WAPL: variants seen among roughly 807,000 people sequenced by gnomAD.
The protein encoded by WAPL is WAPL cohesin release factor.
Under a neutral mutation model 121.0 loss-of-function variants are expected in WAPL, and 5 were observed. The ratio of observed to expected loss-of-function variants is 0.04; its 90% CI spans 0.02 to 0.09. WAPL has a LOEUF of 0.09. Ranked by LOEUF, WAPL falls within the 10% of genes least tolerant of loss-of-function variation. The probability of loss-of-function intolerance (pLI) is 1.00; values close to 1 mark genes in which losing one functional copy is unlikely to be tolerated. For missense variants in WAPL, 999 were observed against 1,410.8 expected, an observed-to-expected ratio of 0.71 and a Z score of 4.68; for synonymous variants, 480 against 481.5, an observed-to-expected ratio of 1.00 and a Z score of 0.04.
intron 12 of WAPL, among the ~76,000 whole-genome samples, chr10:86,455,705 G>GAAAAAAAAAAAAAAAAAGAAAA (rs1333302675): frequency 1.8e-5 from 2 of 109,274 alleles, no homozygotes; most frequent in Non-Finnish European, 4.1e-5. Flanking sequence ...AAGAAAGAAA[G>GAAAAAAAAAAAAAAAAAGAAAA]AAAAAAAAAG....
intron 2 of WAPL, among the ~76,000 whole-genome samples, chr10:86,513,218 G>A (rs535797890): frequency 1.2e-4 from 19 of 152,074 alleles, no homozygotes; most frequent in East Asian, 3.9e-4. Flanking sequence ...GGCTGGTCTC[G>A]AACTCCTGAC....
intron 1 of WAPL, among the ~76,000 whole-genome samples, chr10:86,518,489 C>T (rs190131933): frequency 8.8e-4 from 134 of 152,326 alleles, no homozygotes; most frequent in Middle Eastern, 3.4e-3. Flanking sequence ...AGGCAGCTCA[C>T]TTGAGGCCAG....
chr10:86,484,933 A>T (rs1478363059), intron 4 of WAPL, among the ~76,000 whole-genome samples: 1 of 152,224 alleles, frequency 6.6e-6, no homozygotes, highest in Non-Finnish European at 1.5e-5. Flanking sequence ...GTCATTAAGT[A>T]ATGCGTGACT....
At chr10:86,502,123 T>C (rs191163414) in intron 2 of WAPL, among the ~76,000 whole-genome samples, 1 of 152,356 alleles carries the variant, frequency 6.6e-6, no homozygotes, top group Non-Finnish European at 1.5e-5. Flanking sequence ...GAAATAACTT[T>C]CCACGAACAC....
intron 1 of WAPL, among the ~76,000 whole-genome samples, chr10:86,519,765 A>T (rs1172770355): frequency 6.6e-6 from 1 of 152,232 alleles, no homozygotes; most frequent in East Asian, 1.9e-4. Context: ...CAGGTCTGTA[A>T]GTGTACGTAC....
chr10:86,497,216 A>G lies in WAPL; in HGVS notation c.1629T>C (p.Phe543=), dbSNP rs1442587956. The change falls in exon 4 of 19, where the codon TTT becomes TTC. Residue 543 remains phenylalanine, a synonymous_variant. Transcript: ENST00000298767. ...DKSKENTRKI[F]SGPKRSPTKA... ...CTTTACTTACCCGTTTGGGGCCACT[A>G]AAAATCTTTCTGGTATTTTCCTTTG... is the stretch of plus-strand genomic sequence containing the variant. 1.9e-6 allele frequency: 3 copies of G among 1,612,184 alleles called. No individual in the cohort carries two copies. The highest frequency in any genetic ancestry group is 1.7e-5 in the Admixed American group (1 of 59,754).
intron 15 of WAPL, among the ~76,000 whole-genome samples, chr10:86,449,987 C>T (rs969640100): frequency 6.6e-6 from 1 of 152,076 alleles, no homozygotes; most frequent in Admixed American, 6.6e-5. Context: ...TACACACAAA[C>T]ATAAATGAAT....
At chr10:86,483,561 A>G (rs951957442) in intron 4 of WAPL, among the ~76,000 whole-genome samples, 1 of 152,092 alleles carries the variant, frequency 6.6e-6, no homozygotes, top group Non-Finnish European at 1.5e-5. Flanking sequence ...TCTACTTGTA[A>G]AACAAAAAAA....
intron 4 of WAPL, among the ~76,000 whole-genome samples, chr10:86,491,289 G>A (rs968889953): frequency 1.4e-4 from 21 of 151,068 alleles, no homozygotes; most frequent in African/African-American, 3.6e-4. Context: ...ACAGGCGCCC[G>A]CCACCACACA....
intron 4 of WAPL, among the ~76,000 whole-genome samples, chr10:86,484,524 A>T (rs1011389168): frequency 6.6e-6 from 1 of 152,184 alleles, no homozygotes; most frequent in Non-Finnish European, 1.5e-5. Context: ...AAAACAAGCC[A>T]TTACAGTAAG....
intron 4 of WAPL, among the ~76,000 whole-genome samples, chr10:86,496,055 A>C (rs1403250467): frequency 6.6e-6 from 1 of 152,258 alleles, no homozygotes; most frequent in Non-Finnish European, 1.5e-5. Context: ...CGGAGGTTGC[A>C]GTGAGCCAAG....
intron 12 of WAPL, 45 bp downstream of exon 12, chr10:86,458,944 A>T: frequency 6.7e-7 from 1 of 1,487,098 alleles, no homozygotes; most frequent in African/African-American, 1.4e-5. Flanking sequence ...AAATGTTTAA[A>T]ATAAGTAACA....
intron 2 of WAPL, among the ~76,000 whole-genome samples, chr10:86,502,395 A>G (rs1176714923): frequency 6.6e-6 from 1 of 152,228 alleles, no homozygotes; most frequent in Non-Finnish European, 1.5e-5. Context: ...TCTATTCAAA[A>G]GCCAAAACAT....
intron 15 of WAPL, among the ~76,000 whole-genome samples, chr10:86,448,135 TAAAA>T (rs1167285827): frequency 6.6e-6 from 1 of 152,012 alleles, no homozygotes; most frequent in Non-Finnish European, 1.5e-5. Flanking sequence ...AAATAAAACT[TAAAA>T]AAACAGAAAA....
chr10:86,497,906 C>A (rs75727540), intron 3 of WAPL, among the ~76,000 whole-genome samples: 2 of 152,280 alleles, frequency 1.3e-5, no homozygotes, highest in East Asian at 3.9e-4. Flanking sequence ...CAGTTTATTT[C>A]CCAACTGGTT....
At chr10:86,496,261 A>G (rs1842147156) in intron 4 of WAPL, among the ~76,000 whole-genome samples, 1 of 152,212 alleles carries the variant, frequency 6.6e-6, no homozygotes, top group Non-Finnish European at 1.5e-5. Flanking sequence ...CTTCACACCC[A>G]TTAGGCTATT....
rs1482020059 is a variant in WAPL at position 86,472,355 on chromosome 10, A to G, written c.1894-11T>C. The G allele has an allele frequency of 6.3e-7, 1 of 1,587,106 alleles. No homozygotes were observed. Among genetic ancestry groups the G allele is most frequent in the East Asian group, 2.2e-5 (1 of 44,722 alleles). ...AACAACAGTATATAACTGCCAAGAA[A>G]AAAAAAGTTCACCCCTTTTTAACTA... On this transcript the variant is annotated splice_polypyrimidine_tract_variant and intron_variant, in intron 6 of 18. Coordinates refer to ENST00000298767, the MANE Select transcript of WAPL (RefSeq NM_015045.5). This position sits in a 1 kb window ranked among gnomAD's most constrained non-coding sequence, Gnocchi z 4.2.
At chr10:86,460,600 T>C in intron 10 of WAPL, 104 bp from the exon 11 acceptor site, 3 of 798,532 alleles carry the variant, frequency 3.8e-6, no homozygotes, top group Non-Finnish European at 5.9e-6. Flanking sequence ...GCTATGAACA[T>C]GCTGGAACCT....
At position 86,437,187 on chromosome 10, in the gene WAPL, C is replaced by A; in HGVS notation, c.*356G>T. The stretch of plus-strand genomic sequence containing the variant: ...CATGACAACAGTGGCTCAACATACA[C>A]AGCAGTTGCACTAACAGCAGCACAA... On this transcript the variant is annotated 3_prime_UTR_variant, in exon 19 of 19. Coordinates refer to ENST00000298767, the MANE Select transcript of WAPL (RefSeq NM_015045.5). 5.0e-6 allele frequency: 1 copy of A among 199,296 alleles called. No homozygotes were observed. The highest frequency in any genetic ancestry group is 1.0e-5 in the Non-Finnish European group (1 of 99,092). The allele number at this position is 199,296 out of a possible 1,614,324, so 12.3% of individuals were successfully genotyped here.
Sources: allele counts gnomAD v4.1 joint callset (sites outside exome capture counted in the v4.1 genomes callset), GRCh38; gene constraint gnomAD v4.1.1; non-coding constraint Gnocchi (gnomAD v3.1); transcripts MANE v1.5; gene names NCBI Gene and HGNC (gene_info 2026-07-23, HGNC 2026-07-21).